Variants in SH2D4A observed in about 807,000 individuals in gnomAD.
SH2D4A encodes SH2 domain containing 4A, also known as SH2 domain-containing protein 4A.
SH2D4A carries 70 observed loss-of-function variants against 64.7 expected under a neutral mutation model. That is an observed-to-expected ratio of 1.08 (90% CI 0.89 to 1.32). The LOEUF is 1.32. SH2D4A is among the 40% of genes most tolerant of loss of function. The probability of loss-of-function intolerance (pLI) is 0.00; values close to 1 mark genes in which losing one functional copy is unlikely to be tolerated. For synonymous variants in SH2D4A, 268 were observed against 200.7 expected (o/e 1.34, Z -2.83); for missense variants, 706 against 540.1 (o/e 1.31, Z -3.04).
rs1236689982 is a variant in SH2D4A at position 19,339,280 on chromosome 8, G to A, written c.513+4423G>A. ...GATGGTGCCCACCCAGATTGAGGGT[G>A]GATCTGCCTTTCCCAGTCCACTGAC... On this transcript the variant is annotated intron_variant, in intron 4 of 9. Transcript: ENST00000265807. 2.6e-5 allele frequency among the ~76,000 whole-genome samples: 4 copies of A among 152,082 alleles called. No homozygotes were observed. The East Asian group carries it at 5.8e-4, about 22-fold the overall frequency.
At chr8:19,389,188 G>A (rs2053441507) in intron 8 of SH2D4A, among the ~76,000 whole-genome samples, 1 of 152,210 alleles carries the variant, frequency 6.6e-6, no homozygotes, top group Non-Finnish European at 1.5e-5. Flanking sequence ...GAACTGCCCT[G>A]TGGGGCAGTC....
rs576947396 is a variant in SH2D4A at position 19,331,084 on chromosome 8, C to G, written c.182-1871C>G. Among the ~76,000 whole-genome samples the G allele has an allele frequency of 3.9e-5, 6 of 152,310 alleles. No individual in the cohort carries two copies. The South Asian group carries it at 6.2e-4, about 16-fold the overall frequency. On this transcript the variant is annotated intron_variant, in intron 2 of 9. Transcript: ENST00000265807. ...AGTGCAGAGTCTGAGTCTGTTCCCT[C>G]TGCCCAGCGTCTCTGTTTAGAACAT...
intron 4 of SH2D4A, among the ~76,000 whole-genome samples, chr8:19,336,353 T>C (rs2052445931): frequency 6.6e-6 from 1 of 152,134 alleles, no homozygotes; most frequent in Non-Finnish European, 1.5e-5. Context: ...GCTCAAAATA[T>C]TTAGGAAGAG....
intron 4 of SH2D4A, among the ~76,000 whole-genome samples, chr8:19,344,773 A>G (rs1374368535): frequency 1.6e-5 from 1 of 61,214 alleles, no homozygotes; most frequent in Non-Finnish European, 3.1e-5. Flanking sequence ...TTCAGATTTC[A>G]GCTTTTTTTT....
At chr8:19,342,177 A>G (rs17128235) in intron 4 of SH2D4A, among the ~76,000 whole-genome samples, 20,942 of 152,186 alleles carry the variant, frequency 0.14, 1,728 homozygotes, top group African/African-American at 0.22. Flanking sequence ...TCAGTCTTAT[A>G]CACATCAGGA....
chr8:19,342,654 A>AG (rs1408618355), intron 4 of SH2D4A, among the ~76,000 whole-genome samples: 1 of 152,156 alleles, frequency 6.6e-6, no homozygotes, highest in Non-Finnish European at 1.5e-5. Flanking sequence ...TTTGATTCAC[A>AG]GGGGGAGCTG....
intron 2 of SH2D4A, among the ~76,000 whole-genome samples, chr8:19,320,188 T>C (rs916419387): frequency 4.6e-5 from 7 of 151,978 alleles, no homozygotes; most frequent in Non-Finnish European, 1.0e-4. Flanking sequence ...TGTAAGGAAT[T>C]GCTATAAGGA....
At chr8:19,386,734 T>G (rs1006999405) in intron 8 of SH2D4A, among the ~76,000 whole-genome samples, 2 of 152,196 alleles carry the variant, frequency 1.3e-5, no homozygotes, top group Non-Finnish European at 2.9e-5. Flanking sequence ...ACTGTTTAAT[T>G]TAGTATTTTA....
At position 19,364,301 on chromosome 8, in the gene SH2D4A, G is replaced by T; in HGVS notation, c.917+19G>T. Reference sequence around the variant, plus strand: ...CTCTTAGGTAAGAAGCCACACAGATGGGTTTATGCATAAACATTGCAATGG... The same window carrying T: ...CTCTTAGGTAAGAAGCCACACAGATTGGTTTATGCATAAACATTGCAATGG... On this transcript the variant is annotated intron_variant, in intron 7 of 9. Transcript: ENST00000265807. The T allele has an allele frequency of 6.2e-7, 1 of 1,612,898 alleles. No homozygotes were observed. The highest frequency in any genetic ancestry group is 8.5e-7 in the Non-Finnish European group (1 of 1,179,158).
chr8:19,347,330 A>G (rs922439347), intron 4 of SH2D4A, among the ~76,000 whole-genome samples: 1 of 152,194 alleles, frequency 6.6e-6, no homozygotes, highest in Non-Finnish European at 1.5e-5. Context: ...AGAGAAAAAG[A>G]CAGTGGCATG....
At chr8:19,330,564 A>G (rs1050274992) in intron 2 of SH2D4A, among the ~76,000 whole-genome samples, 1 of 152,010 alleles carries the variant, frequency 6.6e-6, no homozygotes, top group East Asian at 1.9e-4. Flanking sequence ...CCAACTGCTC[A>G]CATGCAGTCC....
chr8:19,319,600 A>G lies in SH2D4A; in HGVS notation c.53A>G (p.Glu18Gly). The G allele has an allele frequency of 6.2e-7, 1 of 1,605,290 alleles. No homozygotes were observed. Among genetic ancestry groups the G allele is most frequent in the Non-Finnish European group, 8.5e-7 (1 of 1,176,552 alleles). ...EMYIDPDLLAELSEEQKQILF... is the reference protein window; with the variant it reads ...EMYIDPDLLAGLSEEQKQILF... ...TACATAGATCCTGATCTACTGGCAG[A>G]GCTCAGCGAAGAACAGAAACAGATC... Residue 18 changes from glutamate to glycine, a missense_variant, in exon 2 of 10, where the codon GAG (glutamate) becomes GGG (glycine). Physicochemically the swap from Glu to Gly is moderately conservative, Grantham distance 98 (BLOSUM62 -2). Coordinates refer to ENST00000265807, the MANE Select transcript of SH2D4A (RefSeq NM_022071.4).
rs146397365 is a variant in SH2D4A, at chr8:19,374,128, G to A, written c.1048+468G>A. The stretch of plus-strand genomic sequence containing the variant: ...CATTTTCCCCATCTGTTAAATGAAG[G>A]AGTTGAACTTTGTGGTCTTGGAAGT... On this transcript the variant is annotated intron_variant, in intron 8 of 9. Coordinates refer to ENST00000265807, the MANE Select transcript of SH2D4A (RefSeq NM_022071.4). Among the ~76,000 whole-genome samples the A allele has an allele frequency of 4.1e-3, 626 of 152,326 alleles. 6 individuals carry two copies. Among genetic ancestry groups the A allele is most frequent in the African/African-American group, 0.013 (551 of 41,572 alleles).
intron 2 of SH2D4A, 145 bp from the exon 3 acceptor site, chr8:19,332,810 T>A: frequency 8.4e-6 from 5 of 597,226 alleles, no homozygotes; most frequent in Non-Finnish European, 1.1e-5. Flanking sequence ...CTACAGATGT[T>A]CCTGAGCAGT....
At chr8:19,346,691 C>T (rs1427016048) in intron 4 of SH2D4A, among the ~76,000 whole-genome samples, 1 of 152,134 alleles carries the variant, frequency 6.6e-6, no homozygotes, top group Non-Finnish European at 1.5e-5. Flanking sequence ...TCCGTTTCTT[C>T]TGTAGATGTT....
chr8:19,313,785 G>C lies in SH2D4A; in HGVS notation c.-243G>C, dbSNP rs1343828211. ...CTTCTGGCGGCCAAGTGGATGTGGC[G>C]GGTGATCGAGCCACCCTGCCCAGGG... On this transcript the variant is annotated 5_prime_UTR_variant, in exon 1 of 10. Transcript: ENST00000265807. 9 of 1,512,364 alleles carry C rather than the reference G, an allele frequency of 6.0e-6. No individual in the cohort carries two copies. The South Asian group carries it at 7.3e-5, about 12-fold the overall frequency. 93.7% of individuals were successfully genotyped at this position (1,512,364 alleles called of 1,614,324 possible). A position where few individuals can be genotyped will look rare whatever the true frequency, so the allele number is the denominator to read the frequency against.
chr8:19,325,672 A>G lies in SH2D4A; in HGVS notation c.181+5944A>G, dbSNP rs2052267233. ...CCAGCGGAGGTTCTCTCGTTTCTAT[A>G]CTGCCCTCTGCTTCCCTAGGCTGTA... is the stretch of plus-strand genomic sequence containing the variant. On this transcript the variant is annotated intron_variant, in intron 2 of 9. Transcript: ENST00000265807. 2.0e-5 allele frequency among the ~76,000 whole-genome samples: 3 copies of G among 152,098 alleles called. No homozygotes were observed. In the South Asian group the frequency reaches 6.2e-4, roughly 32 times the overall value.
chr8:19,374,471 A>G (rs1563207555), intron 8 of SH2D4A, among the ~76,000 whole-genome samples: 1 of 152,186 alleles, frequency 6.6e-6, no homozygotes, highest in African/African-American at 2.4e-5. Flanking sequence ...TGTCCTAAGC[A>G]TGTCTTGGTT....
chr8:19,349,054 G>A (rs1308653959), intron 4 of SH2D4A, among the ~76,000 whole-genome samples: 1 of 152,146 alleles, frequency 6.6e-6, no homozygotes, highest in Admixed American at 6.5e-5. Context: ...AGAGACAAAA[G>A]GGGAATAATC....
Sources: gnomAD v4.1 joint callset for allele counts (sites outside exome capture counted in the v4.1 genomes callset) on GRCh38, gnomAD v4.1.1 for gene constraint, MANE v1.5 for transcripts, NCBI Gene and HGNC (gene_info 2026-07-23, HGNC 2026-07-21) for gene names.